The following LAMA2 variants were observed in gnomAD, a reference collection of about 807,000 sequenced individuals.
The protein encoded by LAMA2 is laminin subunit alpha-2.
A neutral mutation model predicts 364.8 loss-of-function variants in LAMA2; 269 were observed. That is an observed-to-expected ratio of 0.74 (90% CI 0.67 to 0.82). The LOEUF (loss-of-function observed/expected upper bound fraction) is 0.82, where lower values mean the gene tolerates loss of function less well. Among genes scored for constraint, LAMA2 ranks in the 40% least tolerant of loss-of-function variants. The pLI is 0.00. For synonymous variants in LAMA2, 1,379 were observed against 1,370.6 expected, an observed-to-expected ratio of 1.01 and a Z score of -0.14; for missense variants, 3,807 against 3,873.2, an observed-to-expected ratio of 0.98 and a Z score of 0.45.
chr6:129,145,025 G>A (rs780997325), intron 5 of LAMA2, among the ~76,000 whole-genome samples: 8 of 152,036 alleles, frequency 5.3e-5, no homozygotes, highest in Admixed American at 2.0e-4. Flanking sequence ...AGTCAATTCA[G>A]CCATAACTCT....
intron 31 of LAMA2, among the ~76,000 whole-genome samples, chr6:129,352,613 A>T (rs1776915542): frequency 6.6e-6 from 1 of 152,222 alleles, no homozygotes; most frequent in African/African-American, 2.4e-5. Flanking sequence ...AGGGAAGCCC[A>T]GAAGTCAATA....
intron 45 of LAMA2, among the ~76,000 whole-genome samples, 182 bp from the exon 46 acceptor site, chr6:129,452,806 T>G (rs1311529429): frequency 1.3e-5 from 2 of 152,174 alleles, no homozygotes; most frequent in African/African-American, 2.4e-5. Flanking sequence ...AGTGGAAAAC[T>G]GCTCTTCTGT....
At position 129,283,781 on chromosome 6, in the gene LAMA2, T is replaced by G. The variant is rs553707894; in HGVS notation, c.2537+3634T>G. Among the ~76,000 whole-genome samples the G allele has an allele frequency of 2.0e-5, 3 of 152,122 alleles. No homozygotes were observed. In the East Asian group the frequency reaches 5.8e-4, roughly 29 times the overall value. ...TTCGAATCAAGTCTAATCACCCCTC[T>G]GCTTACTATGCTCATGGGACCTTCT... On this transcript the variant is annotated intron_variant, in intron 18 of 64. Coordinates refer to ENST00000421865, the MANE Select transcript of LAMA2 (RefSeq NM_000426.4).
intron 8 of LAMA2, among the ~76,000 whole-genome samples, 186 bp downstream of exon 8, chr6:129,154,869 C>T (rs1407084863): frequency 6.6e-6 from 1 of 152,106 alleles, no homozygotes; most frequent in African/African-American, 2.4e-5. Flanking sequence ...AAAACTTTTC[C>T]ATCACTCCAG....
chr6:128,982,376 A>G (rs1327150693), intron 1 of LAMA2, among the ~76,000 whole-genome samples: 1 of 152,108 alleles, frequency 6.6e-6, no homozygotes, highest in African/African-American at 2.4e-5. Flanking sequence ...CGTTTTTCCA[A>G]TTTTAGAAAT....
At chr6:129,247,152 T>G (rs1032926397) in intron 12 of LAMA2, among the ~76,000 whole-genome samples, 5 of 152,160 alleles carry the variant, frequency 3.3e-5, no homozygotes, top group African/African-American at 1.2e-4. Context: ...GCAATCCTTT[T>G]AAGAATTACT....
chr6:129,118,116 G>A (rs1179718646), intron 4 of LAMA2, among the ~76,000 whole-genome samples: 1 of 152,142 alleles, frequency 6.6e-6, no homozygotes, highest in Admixed American at 6.6e-5. Context: ...GAAAAGAAAT[G>A]CATTGTGATC....
intron 32 of LAMA2, among the ~76,000 whole-genome samples, chr6:129,363,882 G>A (rs1714502464): frequency 6.6e-6 from 1 of 152,184 alleles, no homozygotes; most frequent in South Asian, 2.1e-4. Flanking sequence ...GTTTAATGTG[G>A]ACAAGTCTGT....
intron 1 of LAMA2, among the ~76,000 whole-genome samples, chr6:128,994,225 A>T (rs916020565): frequency 3.3e-5 from 5 of 152,248 alleles, no homozygotes; most frequent in African/African-American, 1.2e-4. Context: ...GATTTGAAGT[A>T]TTTGGGGGTA....
intron 1 of LAMA2, among the ~76,000 whole-genome samples, chr6:128,994,788 A>G (rs1783822241): frequency 1.3e-5 from 2 of 152,282 alleles, no homozygotes; most frequent in South Asian, 2.1e-4. Context: ...GACAATTTTT[A>G]TAGACATTAT....
intron 34 of LAMA2, among the ~76,000 whole-genome samples, chr6:129,374,342 T>A (rs1649403953): frequency 6.6e-6 from 1 of 152,136 alleles, no homozygotes; most frequent in Non-Finnish European, 1.5e-5. Flanking sequence ...CAACTTCCAA[T>A]TACCCATGAC....
At chr6:128,924,192 G>A (rs1280876373) in intron 1 of LAMA2, among the ~76,000 whole-genome samples, 3 of 151,856 alleles carry the variant, frequency 2.0e-5, no homozygotes, top group Admixed American at 6.6e-5. Context: ...ATTTTTACAA[G>A]CTTCTTTTCA....
intron 17 of LAMA2, among the ~76,000 whole-genome samples, chr6:129,271,350 T>C (rs1178151070): frequency 6.6e-6 from 1 of 152,134 alleles, no homozygotes; most frequent in Non-Finnish European, 1.5e-5. Context: ...CCTTACCTTT[T>C]AGAGGAATGC....
intron 20 of LAMA2, among the ~76,000 whole-genome samples, chr6:129,296,545 T>C (rs779363505): frequency 1.3e-5 from 2 of 152,062 alleles, no homozygotes; most frequent in African/African-American, 4.8e-5. Flanking sequence ...ATTTTAAAAA[T>C]CTAATTTTCA....
intron 1 of LAMA2, among the ~76,000 whole-genome samples, chr6:128,950,796 CAT>C (rs973520470): frequency 1.6e-4 from 24 of 151,986 alleles, no homozygotes; most frequent in African/African-American, 5.8e-4. Context: ...ATAATCTGCA[CAT>C]ATGTTTATTA....
intron 22 of LAMA2, among the ~76,000 whole-genome samples, chr6:129,306,313 C>CTTTT (rs11315443): frequency 2.4e-4 from 17 of 70,394 alleles, no homozygotes; most frequent in East Asian, 7.8e-4. Context: ...TAATTTTTTC[C>CTTTT]TTTTTTTTTT....
chr6:128,956,033 T>A (rs1052055555), intron 1 of LAMA2, among the ~76,000 whole-genome samples: 2 of 151,912 alleles, frequency 1.3e-5, no homozygotes, highest in Non-Finnish European at 2.9e-5. Flanking sequence ...TATCATAAAT[T>A]TCGCTACCAC....
chr6:128,987,425 G>A (rs1227138930), intron 1 of LAMA2, among the ~76,000 whole-genome samples: 1 of 152,122 alleles, frequency 6.6e-6, no homozygotes, highest in East Asian at 1.9e-4. Flanking sequence ...ACAGTTGTGA[G>A]CTACCGTGCC....
intron 1 of LAMA2, among the ~76,000 whole-genome samples, chr6:129,044,931 G>C (rs1787368838): frequency 6.6e-6 from 1 of 152,010 alleles, no homozygotes; most frequent in African/African-American, 2.4e-5. Flanking sequence ...ATATTGCCCT[G>C]GTGCTTTTGA....
Sources: allele counts gnomAD v4.1 joint callset (sites outside exome capture counted in the v4.1 genomes callset), GRCh38; gene constraint gnomAD v4.1.1; transcripts MANE v1.5; gene names NCBI Gene and HGNC (gene_info 2026-07-23, HGNC 2026-07-21).